The following PHKB variants were observed in gnomAD, a reference collection of about 807,000 sequenced individuals.
PHKB encodes phosphorylase b kinase regulatory subunit beta.
Under a neutral mutation model 152.1 loss-of-function variants are expected in PHKB, and 122 were observed. The ratio of observed to expected loss-of-function variants is 0.80; its 90% CI spans 0.69 to 0.93. The LOEUF (loss-of-function observed/expected upper bound fraction) is 0.93. Among genes scored for constraint, PHKB ranks in the 40% least tolerant of loss-of-function variants. PHKB has a pLI of 0.00. For missense variants in PHKB, 1,304 were observed against 1,328.4 expected (o/e 0.98, Z 0.29); for synonymous variants, 436 against 464.9 (o/e 0.94, Z 0.80).
intron 7 of PHKB, chr16:47,566,560 T>G: frequency 6.4e-7 from 1 of 1,568,654 alleles, no homozygotes; most frequent in Non-Finnish European, 8.7e-7. Flanking sequence ...AAGAATTCTT[T>G]AATGTACTCT....
chr16:47,613,543 GC>G (rs1475297562), intron 14 of PHKB, among the ~76,000 whole-genome samples: 3 of 152,190 alleles, frequency 2.0e-5, no homozygotes, highest in Admixed American at 6.5e-5. Flanking sequence ...GTACACTGTG[GC>G]CCAAGGCCTC....
intron 2 of PHKB, among the ~76,000 whole-genome samples, chr16:47,498,783 A>G (rs1970275350): frequency 6.6e-6 from 1 of 152,072 alleles, no homozygotes. Flanking sequence ...TTGCCTGTAG[A>G]CCCAGCTACT....
chr16:47,474,446 C>T (rs1969833769), intron 1 of PHKB, among the ~76,000 whole-genome samples: 1 of 152,164 alleles, frequency 6.6e-6, no homozygotes, highest in Non-Finnish European at 1.5e-5. Context: ...TGGATAGTTC[C>T]TCTTCGTACA....
At chr16:47,548,051 G>T (rs1971204935) in intron 7 of PHKB, 1 of 161,566 alleles carries the variant, frequency 6.2e-6, no homozygotes, top group African/African-American at 2.4e-5. Flanking sequence ...TTGAGCTGTG[G>T]TTTACTGCGT....
At chr16:47,509,838 G>A (rs531850804) in intron 4 of PHKB, among the ~76,000 whole-genome samples, 175 of 130,226 alleles carry the variant, frequency 1.3e-3, no homozygotes, top group African/African-American at 5.4e-3. Context: ...ACAGTTTGTT[G>A]CAATTCTTCC....
At chr16:47,626,405 G>A (rs1179079764) in intron 14 of PHKB, among the ~76,000 whole-genome samples, 1 of 152,192 alleles carries the variant, frequency 6.6e-6, no homozygotes, top group African/African-American at 2.4e-5. Context: ...TCATTTAGAT[G>A]AGCATCAAGT....
chr16:47,505,750 A>G (rs1372529831), intron 4 of PHKB, among the ~76,000 whole-genome samples: 8 of 152,266 alleles, frequency 5.3e-5, no homozygotes, highest in African/African-American at 1.9e-4. Context: ...TGAAAATAAT[A>G]GGCCAGGCAT....
rs866574599 is a variant in PHKB at position 47,587,853 on chromosome 16, A to C, written c.870+90A>C. The C allele has an allele frequency of 3.1e-5, 30 of 970,358 alleles. No individual in the cohort carries two copies. The Middle Eastern group carries it at 2.6e-3, about 84-fold the overall frequency. 60.1% of individuals were successfully genotyped at this position (970,358 alleles called of 1,614,324 possible). On this transcript the variant is annotated intron_variant, in intron 9 of 30. Transcript: ENST00000323584. The stretch of plus-strand genomic sequence containing the variant: ...CTTAATTTCCAGTAAAGTACTCTAA[A>C]ATGTTAGTGATCGTCCAGAAGGGAT...
chr16:47,535,150 A>T (rs1428164692), intron 6 of PHKB, among the ~76,000 whole-genome samples: 1 of 152,256 alleles, frequency 6.6e-6, no homozygotes. Context: ...TACAAGACAC[A>T]GGGGAGAAGA....
intron 4 of PHKB, among the ~76,000 whole-genome samples, chr16:47,509,497 A>G (rs1420472880): frequency 6.6e-6 from 1 of 152,216 alleles, no homozygotes; most frequent in Non-Finnish European, 1.5e-5. Flanking sequence ...ATATTGCCCA[A>G]TAGAACTTTT....
At chr16:47,689,225 A>T (rs770352290) in intron 27 of PHKB, 50 bp downstream of exon 27, 2 of 1,580,326 alleles carry the variant, frequency 1.3e-6, no homozygotes, top group African/African-American at 2.7e-5. Flanking sequence ...TTACAATAAC[A>T]TCATAATTTT....
chr16:47,522,766 A>T (rs1335771363), intron 6 of PHKB, among the ~76,000 whole-genome samples: 1 of 151,214 alleles, frequency 6.6e-6, no homozygotes, highest in Admixed American at 6.6e-5. Flanking sequence ...GTGTTTTTTG[A>T]TTTCTCTCGT....
chr16:47,662,383 G>C (rs775537092), intron 23 of PHKB, among the ~76,000 whole-genome samples: 2 of 152,152 alleles, frequency 1.3e-5, no homozygotes, highest in Non-Finnish European at 2.9e-5. Context: ...ACCATGGTCC[G>C]CTTCTGACAT....
At chr16:47,581,756 T>C (rs1971850545) in intron 8 of PHKB, among the ~76,000 whole-genome samples, 2 of 152,194 alleles carry the variant, frequency 1.3e-5, no homozygotes, top group South Asian at 4.1e-4. Flanking sequence ...CTCGGCTCAC[T>C]GCGACCTCCG....
chr16:47,484,081 A>G (rs1970010749), intron 1 of PHKB, among the ~76,000 whole-genome samples: 2 of 152,224 alleles, frequency 1.3e-5, no homozygotes, highest in African/African-American at 4.8e-5. Flanking sequence ...ATGGGAAGGT[A>G]GTATAAATAA....
chr16:47,484,810 TTCAAA>T (rs1469082864), intron 1 of PHKB, among the ~76,000 whole-genome samples: 2 of 152,214 alleles, frequency 1.3e-5, no homozygotes, highest in African/African-American at 4.8e-5. Context: ...TAGTTAGGCA[TTCAAA>T]TTTCCTTTTT....
Position 47,527,586 on chromosome 16 carries a change from A to G in PHKB, c.594+11985A>G, listed in dbSNP as rs547846240. Among the ~76,000 whole-genome samples the G allele has an allele frequency of 2.0e-5, 3 of 152,344 alleles. No homozygotes were observed. In the South Asian group the frequency reaches 6.2e-4, roughly 32 times the overall value. ...TAAATTTTAAAACTTTCCAAATGGAATGTGTTCTAGAAACACCATAATTTA... is the reference window on the plus strand; with the variant it reads ...TAAATTTTAAAACTTTCCAAATGGAGTGTGTTCTAGAAACACCATAATTTA... On this transcript the variant is annotated intron_variant, in intron 6 of 30. Coordinates refer to ENST00000323584, the MANE Select transcript of PHKB (RefSeq NM_000293.3).
At position 47,700,056 on chromosome 16, in the gene PHKB, T is replaced by C. The variant is rs930292463; in HGVS notation, c.*690T>C. On this transcript the variant is annotated 3_prime_UTR_variant, in exon 31 of 31. Transcript: ENST00000323584. ...ACATGTCTATGATTGTTCAAAAATATGTTAAATTTAGGCTCAGCACAGTAG... is the reference window on the plus strand; with the variant it reads ...ACATGTCTATGATTGTTCAAAAATACGTTAAATTTAGGCTCAGCACAGTAG... The C allele has an allele frequency of 2.5e-4, 38 of 153,082 alleles. 1 individual carries two copies. The highest frequency in any genetic ancestry group is 1.3e-3 in the Admixed American group (20 of 15,410). 9.5% of individuals were successfully genotyped at this position (153,082 alleles called of 1,614,324 possible). A position where few individuals can be genotyped will look rare whatever the true frequency, so the allele number is the denominator to read the frequency against.
intron 3 of PHKB, among the ~76,000 whole-genome samples, chr16:47,500,644 C>T (rs955281756): frequency 2.0e-5 from 3 of 151,738 alleles, no homozygotes; most frequent in African/African-American, 7.3e-5. Context: ...TATCACTGCA[C>T]TTCAGCATAG....
Sources: gnomAD v4.1 joint callset for allele counts (sites outside exome capture counted in the v4.1 genomes callset) on GRCh38, gnomAD v4.1.1 for gene constraint, MANE v1.5 for transcripts, NCBI Gene and HGNC (gene_info 2026-07-23, HGNC 2026-07-21) for gene names.